The following AR variants were observed in gnomAD, a reference collection of about 807,000 sequenced individuals.
AR encodes the protein dihydrotestosterone receptor.
Under a neutral mutation model 53.9 loss-of-function variants are expected in AR, and 8 were observed. That is an observed-to-expected ratio of 0.15 (90% CI 0.09 to 0.27). The LOEUF (loss-of-function observed/expected upper bound fraction) is 0.27, where lower values mean the gene tolerates loss of function less well. Ranked by LOEUF, AR falls within the 10% of genes least tolerant of loss-of-function variation. The pLI is 1.00. For missense variants in AR, 639 were observed against 742.5 expected (o/e 0.86, Z 1.62); for synonymous variants, 359 against 316.4 (o/e 1.13, Z -1.43).
intron 1 of AR, among the ~76,000 whole-genome samples, chrX:67,634,219 C>G (rs1925315108): frequency 9.0e-6 from 1 of 111,632 alleles, no homozygotes; most frequent in Admixed American, 9.6e-5. Flanking sequence ...CATTTGCTTT[C>G]TCTAAGTATC....
chrX:67,663,520 G>T (rs895019963), intron 2 of AR, among the ~76,000 whole-genome samples: 2 of 112,268 alleles, frequency 1.8e-5, no homozygotes, highest in African/African-American at 6.5e-5. Context: ...GCTTCCCTTT[G>T]TGGGGAACCT....
chrX:67,717,729 C>T (rs761642903), intron 5 of AR, 107 bp downstream of exon 5: 1 of 1,075,159 alleles, frequency 9.3e-7, no homozygotes, highest in South Asian at 2.0e-5. Context: ...ATTTGATCTG[C>T]AGTTGTCGCA....
chrX:67,684,059 C>T (rs757639043), intron 2 of AR, among the ~76,000 whole-genome samples: 1 of 111,442 alleles, frequency 9.0e-6, no homozygotes, highest in South Asian at 3.8e-4. Flanking sequence ...AAAGAAGGCA[C>T]GCACTTTCTA....
At position 67,673,471 on chromosome X, in the gene AR, A is replaced by ATT. The variant is rs34317430; in HGVS notation, c.1769-12524_1769-12523dup. On this transcript the variant is annotated intron_variant, in intron 2 of 7. Transcript: ENST00000374690. The stretch of plus-strand genomic sequence containing the variant: ...TCGTAGGTGTGCTTCATTGTTTGCT[A>ATT]TTTTTTTTTTTTTTTTGTCTCTTCT... Among the ~76,000 whole-genome samples the ATT allele has an allele frequency of 3.5e-3, 238 of 68,428 alleles. 1 individual carries two copies. The highest frequency in any genetic ancestry group is 0.011 in the African/African-American group (219 of 19,874). 59.4% of individuals were successfully genotyped at this position (68,428 alleles called of 115,157 possible).
chrX:67,703,940 C>A (rs2076053836), intron 3 of AR, among the ~76,000 whole-genome samples: 1 of 111,346 alleles, frequency 9.0e-6, no homozygotes, highest in African/African-American at 3.3e-5. Context: ...ATGATGGTTT[C>A]CAGCTTCATC....
chrX:67,681,315 C>A (rs1250261960), intron 2 of AR, among the ~76,000 whole-genome samples: 3 of 111,383 alleles, frequency 2.7e-5, no homozygotes, highest in African/African-American at 9.8e-5. Context: ...CTTCTAGAAC[C>A]ACCTTACAGC....
At chrX:67,634,724 C>T (rs1004648770) in intron 1 of AR, among the ~76,000 whole-genome samples, 5 of 111,621 alleles carry the variant, frequency 4.5e-5, no homozygotes, top group Admixed American at 9.6e-5. Flanking sequence ...ACTTCACCAA[C>T]TTCTCCACCA....
intron 2 of AR, among the ~76,000 whole-genome samples, chrX:67,671,316 A>G (rs760329032): frequency 1.8e-5 from 2 of 112,121 alleles, no homozygotes; most frequent in Admixed American, 9.4e-5. Flanking sequence ...ATGGTATCTC[A>G]TTGTGGTTTT....
At chrX:67,606,474 C>T (rs1054612063) in intron 1 of AR, among the ~76,000 whole-genome samples, 1 of 111,791 alleles carries the variant, frequency 8.9e-6, no homozygotes, top group African/African-American at 3.3e-5. Flanking sequence ...AAAATTTATT[C>T]TCTTAACAAC....
At chrX:67,711,237 T>C (rs1308471105) in intron 3 of AR, among the ~76,000 whole-genome samples, 165 bp from the exon 4 acceptor site, 6 of 112,291 alleles carry the variant, frequency 5.3e-5, no homozygotes, top group Non-Finnish European at 1.1e-4. Flanking sequence ...TGATGAATTA[T>C]ACATTTAACC....
At chrX:67,688,100 C>T (rs1216178186) in intron 3 of AR, among the ~76,000 whole-genome samples, 1 of 111,772 alleles carries the variant, frequency 8.9e-6, no homozygotes, top group East Asian at 2.8e-4. Flanking sequence ...ACAATGAAGA[C>T]AAGCTGAGAA....
chrX:67,648,074 G>C (rs974842651), intron 2 of AR, among the ~76,000 whole-genome samples: 8 of 111,533 alleles, frequency 7.2e-5, no homozygotes, highest in Non-Finnish European at 1.5e-4. Flanking sequence ...ATCTGCATAG[G>C]TTTTATGTTT....
At chrX:67,558,902 A>C (rs1395560889) in intron 1 of AR, among the ~76,000 whole-genome samples, 2 of 112,497 alleles carry the variant, frequency 1.8e-5, no homozygotes, top group Non-Finnish European at 3.7e-5. Context: ...TAGATGAAGA[A>C]ACAGGCACAG....
intron 3 of AR, among the ~76,000 whole-genome samples, chrX:67,697,545 TCA>T (rs1256187985): frequency 9.0e-6 from 1 of 111,524 alleles, no homozygotes; most frequent in African/African-American, 3.3e-5. Context: ...GTTATACTTT[TCA>T]CAGTTTACCA....
At chrX:67,720,348 C>G (rs1034757857) in intron 5 of AR, among the ~76,000 whole-genome samples, 10 of 108,488 alleles carry the variant, frequency 9.2e-5, no homozygotes, top group African/African-American at 3.4e-4. Flanking sequence ...TTCCCCTTCT[C>G]TTTCCTCCAT....
rs1343635326 is a variant in AR at position 67,545,575 on chromosome X, G to A, written c.429G>A (p.Lys143=). Residue 143 remains lysine (K), a synonymous_variant, in exon 1 of 8, where the codon AAG becomes AAA. Coordinates refer to ENST00000374690, the MANE Select transcript of AR (RefSeq NM_000044.6). ...CTGGAGCCGCCGTGGCCGCCAGCAAGGGGCTGCCGCAGCAGCTGCCAGCAC... is the reference window on the plus strand; with the variant it reads ...CTGGAGCCGCCGTGGCCGCCAGCAAAGGGCTGCCGCAGCAGCTGCCAGCAC... ...PEPGAAVAAS[K]GLPQQLPAPP... is the part of the protein sequence containing the mutation. The A allele has an allele frequency of 8.5e-7, 1 of 1,182,768 alleles. No individual in the cohort carries two copies. The highest frequency in any genetic ancestry group is 1.1e-6 in the Non-Finnish European group (1 of 881,693).
At chrX:67,677,781 A>T (rs1284396794) in intron 2 of AR, among the ~76,000 whole-genome samples, 2 of 111,231 alleles carry the variant, frequency 1.8e-5, no homozygotes, top group East Asian at 5.6e-4. Context: ...TGCTCTCTGG[A>T]TCTCACCCTT....
chrX:67,667,023 C>T (rs1393557908), intron 2 of AR, among the ~76,000 whole-genome samples: 2 of 110,780 alleles, frequency 1.8e-5, no homozygotes, highest in Non-Finnish European at 3.8e-5. Flanking sequence ...TGTCTCTTCA[C>T]TTTGTTGATC....
chrX:67,684,750 C>T (rs1008743107), intron 2 of AR, among the ~76,000 whole-genome samples: 3 of 112,082 alleles, frequency 2.7e-5, no homozygotes, highest in Non-Finnish European at 5.6e-5. Context: ...CTGGTTACTA[C>T]TGAACCTACT....
Sources: gnomAD v4.1 joint callset for allele counts (sites outside exome capture counted in the v4.1 genomes callset) on GRCh38, gnomAD v4.1.1 for gene constraint, MANE v1.5 for transcripts, NCBI Gene and HGNC (gene_info 2026-07-23, HGNC 2026-07-21) for gene names.